Variants in MYO15A observed in about 807,000 individuals in gnomAD.
MYO15A encodes the protein unconventional myosin-XV.
Under a neutral mutation model 394.6 loss-of-function variants are expected in MYO15A, and 308 were observed. The observed-to-expected ratio is 0.78, with a 90% CI of 0.71 to 0.86. The LOEUF (loss-of-function observed/expected upper bound fraction) is 0.86. MYO15A is among the 40% of genes least tolerant of loss of function. The probability of loss-of-function intolerance (pLI) is 0.00; values close to 1 mark genes in which losing one functional copy is unlikely to be tolerated. For synonymous variants in MYO15A, 1,957 were observed against 2,003.8 expected (o/e 0.98, Z 0.62); for missense variants, 4,606 against 4,799.1 (o/e 0.96, Z 1.19).
chr17:18,149,058 C>G, intron 33 of MYO15A, 106 bp downstream of exon 33: 1 of 1,489,440 alleles, frequency 6.7e-7, no homozygotes, highest in Non-Finnish European at 9.1e-7. Context: ...ACAGGCTGAG[C>G]CCTGAACTTA....
At chr17:18,146,144 C>T (rs772657816) in intron 30 of MYO15A, 37 bp downstream of exon 30, 33 of 1,598,828 alleles carry the variant, frequency 2.1e-5, no homozygotes, top group Non-Finnish European at 2.7e-5. Context: ...ACACGAGGGA[C>T]GGTGGCACCA....
rs761946533 is a variant in MYO15A, at chr17:18,122,224, A to G, written c.3424A>G (p.Ile1142Val). Residue 1142 changes from isoleucine to valine, a missense_variant, in exon 2 of 66, where the codon ATT becomes GTT. Coordinates refer to ENST00000647165, the MANE Select transcript of MYO15A (RefSeq NM_016239.4). ...AACCCTGAAGCCTCAAGTCCAGCCC[A>G]TTCAGGACCCCAAGCCAAGAGCCTG... ...PATLKPQVQP[I>V]QDPKPRACSL... 6.2e-7 allele frequency: 1 copy of G among 1,613,034 alleles called. No homozygotes were observed. Among genetic ancestry groups the G allele is most frequent in the East Asian group, 2.2e-5 (1 of 44,888 alleles).
intron 47 of MYO15A, among the ~76,000 whole-genome samples, chr17:18,155,694 G>A (rs114589131): frequency 5.1e-4 from 78 of 152,318 alleles, no homozygotes; most frequent in African/African-American, 1.8e-3. Context: ...CAGCAGCACT[G>A]TGCAGAGGGG....
intron 1 of MYO15A, among the ~76,000 whole-genome samples, chr17:18,112,531 A>G (rs2045734672): frequency 6.6e-6 from 1 of 152,056 alleles, no homozygotes; most frequent in Non-Finnish European, 1.5e-5. Flanking sequence ...CACTGTGCAT[A>G]TCTGTAGCTG....
intron 13 of MYO15A, 43 bp downstream of exon 13, chr17:18,135,867 A>G (rs1266346023): frequency 1.3e-6 from 2 of 1,559,752 alleles, no homozygotes; most frequent in East Asian, 2.3e-5. Flanking sequence ...GCTTTCTACC[A>G]GGGCCTGGAC....
chr17:18,125,034 C>T (rs371589052), intron 3 of MYO15A, 134 bp from the exon 4 acceptor site: 1 of 846,314 alleles, frequency 1.2e-6, no homozygotes. Context: ...TCCAAGGTCT[C>T]CTAGCTGGTT....
intron 15 of MYO15A, among the ~76,000 whole-genome samples, chr17:18,137,072 A>G (rs1418655717): frequency 6.6e-6 from 1 of 152,194 alleles, no homozygotes; most frequent in Non-Finnish European, 1.5e-5. Context: ...GTGGCGGGTC[A>G]TGAGGTCTGG....
In MYO15A at chr17:18,149,089, G is replaced by T; in HGVS notation, c.6957-127G>T. Reference sequence around the variant, plus strand: ...ACTTAGACTTCAGGTTCTTAAGGAGGTAGAGTTCACCAAAGGATCCTGCTT... The same window carrying T: ...ACTTAGACTTCAGGTTCTTAAGGAGTTAGAGTTCACCAAAGGATCCTGCTT... On this transcript the variant is annotated intron_variant, in intron 33 of 65. Coordinates refer to ENST00000647165, the MANE Select transcript of MYO15A (RefSeq NM_016239.4). 4.0e-6 allele frequency: 6 copies of T among 1,484,306 alleles called. No individual in the cohort carries two copies. The South Asian group carries it at 7.3e-5, about 18-fold the overall frequency. 91.9% of individuals were successfully genotyped at this position (1,484,306 alleles called of 1,614,324 possible). A position where few individuals can be genotyped will look rare whatever the true frequency, so the allele number is the denominator to read the frequency against.
Position 18,132,302 on chromosome 17 carries a change from C to T in MYO15A, c.4207-151C>T, listed in dbSNP as rs1469222756. On this transcript the variant is annotated intron_variant, in intron 10 of 65. Coordinates refer to ENST00000647165, the MANE Select transcript of MYO15A (RefSeq NM_016239.4). This position sits in a 1 kb window ranked among gnomAD's most constrained non-coding sequence, Gnocchi z 4.6. ...GCCCTCACCCGCAGCTGGCACCAGGCTGGGAGCCTCACCCATCACAGAGGC... is the reference window on the plus strand; with the variant it reads ...GCCCTCACCCGCAGCTGGCACCAGGTTGGGAGCCTCACCCATCACAGAGGC... 6.0e-6 allele frequency: 4 copies of T among 665,736 alleles called. No individual in the cohort carries two copies. The highest frequency in any genetic ancestry group is 1.1e-5 in the Non-Finnish European group (4 of 368,008). The allele number at this position is 665,736 out of a possible 1,614,324, so 41.2% of individuals were successfully genotyped here. A position where few individuals can be genotyped will look rare whatever the true frequency, so the allele number is the denominator to read the frequency against.
chr17:18,124,980 A>G, intron 3 of MYO15A, 188 bp from the exon 4 acceptor site: 1 of 655,040 alleles, frequency 1.5e-6, no homozygotes, highest in Admixed American at 2.3e-5. Flanking sequence ...TATCATACCC[A>G]TTGGACAAAT....
chr17:18,145,352 T>C (rs866693745), intron 29 of MYO15A, among the ~76,000 whole-genome samples: 23 of 152,152 alleles, frequency 1.5e-4, no homozygotes, highest in African/African-American at 5.6e-4. Context: ...ACAGGAAAGA[T>C]GACACATACT....
chr17:18,139,059 C>G, intron 18 of MYO15A, 123 bp downstream of exon 18: 1 of 1,421,552 alleles, frequency 7.0e-7, no homozygotes, highest in South Asian at 1.2e-5. Flanking sequence ...CTGCTGTGCC[C>G]CAGCTCTGTG....
intron 2 of MYO15A, chr17:18,124,182 G>A (rs370581719): frequency 0.01 from 4,616 of 447,500 alleles, 262 homozygotes; most frequent in South Asian, 0.096. Flanking sequence ...GGTTGGGAGG[G>A]AGCTGGCCCA....
At chr17:18,175,783 C>A (rs148471446) in intron 65 of MYO15A, among the ~76,000 whole-genome samples, 2 of 152,174 alleles carry the variant, frequency 1.3e-5, no homozygotes, top group South Asian at 2.1e-4. Context: ...GCTTTCCTCC[C>A]GATCCTCCCA....
chr17:18,119,649 C>A lies in MYO15A; in HGVS notation c.849C>A (p.Pro283=). 1 of 1,604,128 alleles carries A rather than the reference C, an allele frequency of 6.2e-7. No homozygotes were observed. Among genetic ancestry groups the A allele is most frequent in the Non-Finnish European group, 8.5e-7 (1 of 1,179,916 alleles). Residue 283 remains proline, a synonymous_variant, in exon 2 of 66, where the codon CCC becomes CCA. Transcript: ENST00000647165. The part of the protein sequence containing the change: ...PYGDHYYGYP[P]EDPYDYYHPD... ...GCGACCACTACTACGGGTACCCGCC[C>A]GAGGATCCCTACGACTACTACCACC...
At chr17:18,149,161 G>A in intron 33 of MYO15A, 55 bp from the exon 34 acceptor site, 1 of 1,607,430 alleles carries the variant, frequency 6.2e-7, no homozygotes, top group Non-Finnish European at 8.5e-7. Flanking sequence ...AGAAAATTTG[G>A]GGGATTCTGG....
At position 18,151,519 on chromosome 17, in the gene MYO15A, G is replaced by A. The variant is rs1251808982; in HGVS notation, c.7779G>A (p.Glu2593=). 2 of 1,613,896 alleles carry A rather than the reference G, an allele frequency of 1.2e-6. No homozygotes were observed. Among genetic ancestry groups the A allele is most frequent in the African/African-American group, 2.7e-5 (2 of 74,918 alleles). ...YQQPFRGGRP[E]ALRKDGGKVF... is the part of the protein sequence containing the mutation. ...AGCCGTTCCGGGGAGGCCGGCCTGA[G>A]GCCCTCAGGTCAGCACTGCCCCTGC... Residue 2593 remains glutamate, a synonymous_variant, in exon 40 of 66, where the codon GAG becomes GAA. Transcript: ENST00000647165.
chr17:18,135,435 G>C (rs189419969), intron 12 of MYO15A, among the ~76,000 whole-genome samples: 1 of 152,044 alleles, frequency 6.6e-6, no homozygotes, highest in Non-Finnish European at 1.5e-5. Context: ...TCCACCTCCC[G>C]GGTTCAAGCA....
At chr17:18,131,154 C>A in intron 8 of MYO15A, 85 bp from the exon 9 acceptor site, 1 of 1,261,108 alleles carries the variant, frequency 7.9e-7, no homozygotes, top group Non-Finnish European at 1.2e-6. Context: ...AGGCTCATGT[C>A]TGGGTGTCCC....
Sources: gnomAD v4.1 joint callset for allele counts (sites outside exome capture counted in the v4.1 genomes callset) on GRCh38, gnomAD v4.1.1 for gene constraint, Gnocchi (gnomAD v3.1) non-coding constraint, MANE v1.5 for transcripts, NCBI Gene and HGNC (gene_info 2026-07-23, HGNC 2026-07-21) for gene names.